ASIC4: variants seen among roughly 807,000 people sequenced by gnomAD.
ASIC4 encodes acid-sensing ion channel 4.
Under a neutral mutation model 53.4 loss-of-function variants are expected in ASIC4, and 28 were observed. That is an observed-to-expected ratio of 0.52 (90% CI 0.39 to 0.72). The LOEUF is 0.72. Ranked by LOEUF, ASIC4 falls within the 30% of genes least tolerant of loss-of-function variation. The pLI, the probability that ASIC4 is intolerant of heterozygous loss-of-function variation, is 0.00. For synonymous variants in ASIC4, 289 were observed against 301.4 expected (o/e 0.96, Z 0.43); for missense variants, 649 against 729.7 (o/e 0.89, Z 1.27).
intron 1 of ASIC4, among the ~76,000 whole-genome samples, chr2:219,530,420 C>T (rs1023193999): frequency 6.6e-6 from 1 of 152,284 alleles, no homozygotes; most frequent in African/African-American, 2.4e-5. Flanking sequence ...AGAGACTGCT[C>T]ATTCAAGTGT....
intron 3 of ASIC4, 70 bp downstream of exon 3, chr2:219,532,198 A>G: frequency 6.2e-7 from 1 of 1,604,028 alleles, no homozygotes; most frequent in Non-Finnish European, 8.5e-7. Flanking sequence ...GATGTGGAGC[A>G]AACCTGCCCT....
intron 1 of ASIC4, among the ~76,000 whole-genome samples, chr2:219,531,452 G>A (rs1392697280): frequency 2.0e-5 from 3 of 152,196 alleles, no homozygotes; most frequent in Non-Finnish European, 2.9e-5. Flanking sequence ...CAGAAATTCC[G>A]ACTTGAGAAA....
At chr2:219,512,288 G>A (rs1026819687), upstream of ASIC4, among the ~76,000 whole-genome samples, 4 of 152,142 alleles carry the variant, frequency 2.6e-5, no homozygotes, top group African/African-American at 9.7e-5. Flanking sequence ...GTCTCATGAT[G>A]GAGGCCAGTA....
chr2:219,532,164 G>A, intron 3 of ASIC4, 36 bp downstream of exon 3: 1 of 1,612,996 alleles, frequency 6.2e-7, no homozygotes, highest in Non-Finnish European at 8.5e-7. Context: ...ATTGGGCACA[G>A]GGCTCGCCTT....
intron 1 of ASIC4, among the ~76,000 whole-genome samples, chr2:219,531,298 T>A (rs1421415047): frequency 6.6e-6 from 1 of 151,672 alleles, no homozygotes; most frequent in Non-Finnish European, 1.5e-5. Context: ...TCTGGAAGGT[T>A]GAGGCTGCTG....
Position 219,532,743 on chromosome 2 carries a change from G to A in ASIC4, c.1019-140G>A, listed in dbSNP as rs142798656. On this transcript the variant is annotated intron_variant, in intron 4 of 9. Transcript: ENST00000358078. ...TTATATCCGTGGTTGCGTATTTGTG[G>A]GGGTTGTGTGTGTGGTGTTCAAGCA... The A allele has an allele frequency of 2.7e-3, 2,445 of 907,634 alleles. 39 individuals are homozygous for A. The African/African-American group carries it at 0.034, about 13-fold the overall frequency. The allele number at this position is 907,634 out of a possible 1,614,324, so 56.2% of individuals were successfully genotyped here.
Position 219,515,820 on chromosome 2 carries a change from C to T in ASIC4, c.582+514C>T, listed in dbSNP as rs79341257. 6.0e-3 allele frequency among the ~76,000 whole-genome samples: 910 copies of T among 152,248 alleles called. 6 individuals are homozygous for T. Among genetic ancestry groups the T allele is most frequent in the Non-Finnish European group, 0.01 (688 of 67,998 alleles). ...GCCTGGTGGGCAGGCTGGAGAGACC[C>T]GGTCTTCAGGACACTGGGTGCCAGT... On this transcript the variant is annotated intron_variant, in intron 1 of 9. Transcript: ENST00000358078.
intron 1 of ASIC4, 132 bp downstream of exon 1, chr2:219,515,438 G>T (rs1009697902): frequency 3.2e-6 from 4 of 1,251,008 alleles, no homozygotes; most frequent in Non-Finnish European, 4.3e-6. Context: ...GGCTGGCCTC[G>T]TGTTTCCCCA....
At chr2:219,510,480 G>C (rs905118191), upstream of ASIC4, among the ~76,000 whole-genome samples, 1 of 152,112 alleles carries the variant, frequency 6.6e-6, no homozygotes, top group Non-Finnish European at 1.5e-5. This position sits in a 1 kb window ranked among gnomAD's most constrained non-coding sequence, Gnocchi z 5.2. Context: ...CCACTCCCAC[G>C]ATGGCTGCGT....
chr2:219,526,215 C>T (rs1422328907), intron 1 of ASIC4, among the ~76,000 whole-genome samples: 1 of 152,170 alleles, frequency 6.6e-6, no homozygotes, highest in African/African-American at 2.4e-5. Context: ...CCACTGCTCT[C>T]AGGAGGAGCA....
intron 1 of ASIC4, among the ~76,000 whole-genome samples, chr2:219,529,628 C>G (rs1510660): frequency 0.96 from 145,643 of 152,158 alleles, 69,995 homozygotes; most frequent in East Asian, 1. Context: ...CCTCGCCCCT[C>G]GATGAGGTGC....
chr2:219,519,355 C>T (rs1272647498), intron 1 of ASIC4, among the ~76,000 whole-genome samples: 2 of 152,224 alleles, frequency 1.3e-5, no homozygotes, highest in Non-Finnish European at 2.9e-5. Context: ...CTGTTGTCAG[C>T]ACCACCTACT....
Position 219,538,149 on chromosome 2 carries a change from G to A in ASIC4, c.*103G>A. On this transcript the variant is annotated 3_prime_UTR_variant, in exon 10 of 10. Transcript: ENST00000358078. ...GAGGCCTGGGGGCGGTGCTCACTGG[G>A]AGGGCCAGGACTCAGTTCCTGCTCT... 1.0e-6 allele frequency: 1 copy of A among 979,756 alleles called. No individual in the cohort carries two copies. Among genetic ancestry groups the A allele is most frequent in the Non-Finnish European group, 1.6e-6 (1 of 631,484 alleles). 60.7% of individuals were successfully genotyped at this position (979,756 alleles called of 1,614,324 possible).
upstream of ASIC4, among the ~76,000 whole-genome samples, chr2:219,511,888 A>G (rs547724392): frequency 1.3e-5 from 2 of 150,912 alleles, no homozygotes; most frequent in East Asian, 4.0e-4. The surrounding 1 kb of genome is among the most constrained non-coding windows in gnomAD (Gnocchi z 5.3). Context: ...GGAGGCAGGC[A>G]GGGAAGCGGG....
chr2:219,535,648 C>T (rs571640905), intron 6 of ASIC4, among the ~76,000 whole-genome samples: 7 of 148,396 alleles, frequency 4.7e-5, no homozygotes, highest in South Asian at 4.4e-4. Flanking sequence ...GGTCTGTGTG[C>T]GTGTGTGTGT....
rs756845255 is a variant in ASIC4 at position 219,515,049 on chromosome 2, G to C, written c.325G>C (p.Val109Leu). 3.7e-6 allele frequency: 6 copies of C among 1,613,508 alleles called. No homozygotes were observed. In the South Asian group the frequency reaches 5.5e-5, roughly 15 times the overall value. ...VAMDPAAPAP[V>L]AGFPAVTLCN... is the part of the protein sequence containing the mutation. Reference sequence around the variant, plus strand: ...AATGGACCCCGCTGCCCCAGCCCCAGTGGCGGGCTTCCCGGCTGTCACCCT... The same window carrying C: ...AATGGACCCCGCTGCCCCAGCCCCACTGGCGGGCTTCCCGGCTGTCACCCT... The change falls in exon 1 of 10, where the codon GTG becomes CTG. Residue 109 changes from valine to leucine, a missense_variant. Transcript: ENST00000358078.
At chr2:219,513,233 G>GC, upstream of ASIC4, among the ~76,000 whole-genome samples, 1 of 151,528 alleles carries the variant, frequency 6.6e-6, no homozygotes, top group East Asian at 2.0e-4. Flanking sequence ...CGATTAATCA[G>GC]CCCCCCTTTC....
rs1199106593 is a variant in ASIC4 at position 219,537,982 on chromosome 2, T to C, written c.1556T>C (p.Leu519Pro). 10 of 1,612,998 alleles carry C rather than the reference T, an allele frequency of 6.2e-6. No individual in the cohort carries two copies. Among genetic ancestry groups the C allele is most frequent in the Admixed American group, 1.7e-5 (1 of 59,896 alleles). ...GTGGAGGGTGGGGGGGTCAGCAGTCTGCTCCCCAATCACCACCACCCCCAC... is the reference window on the plus strand; with the variant it reads ...GTGGAGGGTGGGGGGGTCAGCAGTCCGCTCCCCAATCACCACCACCCCCAC... ...GRVEGGGVSS[L>P]LPNHHHPHGP... The change falls in exon 10 of 10, where the codon CTG becomes CCG. Residue 519 changes from leucine (L) to proline (P), a missense_variant. Leu to Pro is a moderately conservative substitution (Grantham distance 98, BLOSUM62 -3). Coordinates refer to ENST00000358078, the MANE Select transcript of ASIC4 (RefSeq NM_018674.6). The surrounding 1 kb of genome is among the most constrained non-coding windows in gnomAD (Gnocchi z 4.9).
At chr2:219,521,074 G>A (rs997201074) in intron 1 of ASIC4, among the ~76,000 whole-genome samples, 1 of 152,200 alleles carries the variant, frequency 6.6e-6, no homozygotes, top group Admixed American at 6.5e-5. Context: ...CACCAGCTGC[G>A]GCTCAGACCC....
Sources: allele counts gnomAD v4.1 joint callset (sites outside exome capture counted in the v4.1 genomes callset), GRCh38; gene constraint gnomAD v4.1.1; non-coding constraint Gnocchi (gnomAD v3.1); transcripts MANE v1.5; gene names NCBI Gene and HGNC (gene_info 2026-07-23, HGNC 2026-07-21).